KDM6A: variants seen among roughly 807,000 people sequenced by gnomAD.
KDM6A encodes lysine demethylase 6A, also known as lysine-specific demethylase 6A.
Under a neutral mutation model 117.6 loss-of-function variants are expected in KDM6A, and 11 were observed. The observed-to-expected ratio is 0.09, with a 90% CI of 0.06 to 0.15. The LOEUF (loss-of-function observed/expected upper bound fraction) is 0.15. Among genes scored for constraint, KDM6A ranks in the 10% least tolerant of loss-of-function variants. The probability of loss-of-function intolerance (pLI) is 1.00; values close to 1 mark genes in which losing one functional copy is unlikely to be tolerated. For missense variants in KDM6A, 799 were observed against 1,077.3 expected, an observed-to-expected ratio of 0.74 and a Z score of 3.62; for synonymous variants, 384 against 396.1, an observed-to-expected ratio of 0.97 and a Z score of 0.36.
At chrX:44,940,626 G>T (rs928738554) in intron 2 of KDM6A, among the ~76,000 whole-genome samples, 2 of 111,828 alleles carry the variant, frequency 1.8e-5, no homozygotes, top group African/African-American at 3.3e-5. Context: ...GACATATTTT[G>T]TCATTCATTC....
intron 8 of KDM6A, among the ~76,000 whole-genome samples, chrX:45,040,357 C>T (rs868797939): frequency 2.3e-5 from 1 of 42,623 alleles, no homozygotes; most frequent in Non-Finnish European, 4.5e-5. Context: ...GGGCAGAGGC[C>T]CCCCTCACCT....
intron 3 of KDM6A, among the ~76,000 whole-genome samples, chrX:44,966,228 A>G (rs2039003080): frequency 9.1e-6 from 1 of 109,899 alleles, no homozygotes; most frequent in South Asian, 3.9e-4. Flanking sequence ...TGCAGCCCCA[A>G]ACTCCTGGGC....
chrX:45,042,239 G>A (rs1156390344), intron 8 of KDM6A, among the ~76,000 whole-genome samples: 4 of 80,254 alleles, frequency 5.0e-5, no homozygotes, highest in African/African-American at 2.0e-4. Flanking sequence ...GAGGGAGACC[G>A]TGGAAGGAGA....
At chrX:45,002,645 C>T (rs909290808) in intron 4 of KDM6A, among the ~76,000 whole-genome samples, 1 of 112,002 alleles carries the variant, frequency 8.9e-6, no homozygotes, top group East Asian at 2.8e-4. Flanking sequence ...AATAGTTTTA[C>T]ATTCAGGAGG....
intron 4 of KDM6A, among the ~76,000 whole-genome samples, chrX:44,978,935 C>A (rs1412011027): frequency 8.9e-6 from 1 of 112,046 alleles, no homozygotes; most frequent in African/African-American, 3.2e-5. Flanking sequence ...TGTTCTTTTT[C>A]ATTGTTAAGT....
At chrX:44,923,306 T>C (rs1303185311) in intron 2 of KDM6A, among the ~76,000 whole-genome samples, 2 of 110,335 alleles carry the variant, frequency 1.8e-5, no homozygotes, top group Non-Finnish European at 3.8e-5. Flanking sequence ...TTCGGAAAAT[T>C]TTTTGCTCTT....
At chrX:44,978,557 T>A (rs2039731016) in intron 4 of KDM6A, among the ~76,000 whole-genome samples, 2 of 112,562 alleles carry the variant, frequency 1.8e-5, no homozygotes, top group Non-Finnish European at 3.8e-5. Flanking sequence ...AATTAACTTG[T>A]CTAGCTTCAC....
chrX:44,933,897 G>A (rs752116844), intron 2 of KDM6A, among the ~76,000 whole-genome samples: 7 of 112,024 alleles, frequency 6.2e-5, no homozygotes, highest in Admixed American at 4.7e-4. Context: ...TATTATAAAG[G>A]ATAATGTCGA....
intron 4 of KDM6A, among the ~76,000 whole-genome samples, chrX:45,002,332 T>A (rs761433411): frequency 5.4e-5 from 6 of 111,809 alleles, no homozygotes; most frequent in Non-Finnish European, 1.1e-4. Flanking sequence ...AGACTCTGTT[T>A]AACCTTTTAT....
intron 2 of KDM6A, among the ~76,000 whole-genome samples, chrX:44,905,792 C>T (rs775934573): frequency 1.6e-4 from 18 of 112,330 alleles, no homozygotes; most frequent in Non-Finnish European, 1.7e-4. Flanking sequence ...ATTTAAAATA[C>T]ATATATGATT....
intron 8 of KDM6A, among the ~76,000 whole-genome samples, chrX:45,037,917 T>G (rs2042885931): frequency 8.9e-6 from 1 of 111,968 alleles, no homozygotes; most frequent in South Asian, 3.7e-4. Context: ...TTTAATATTT[T>G]CCTTTAAACT....
At position 44,961,396 on chromosome X, in the gene KDM6A, AT is replaced by A. The variant is rs1264770831; in HGVS notation, c.334+11del. On this transcript the variant is annotated splice_donor_5th_base_variant and intron_variant, in intron 3 of 29. Coordinates refer to ENST00000611820, the MANE Select transcript of KDM6A (RefSeq NM_001291415.2). ...TTATTGGAAGATTATCCAAAAGGTAATTTTTTTCTTGTTCATTATTGTTTGA... is the reference window on the plus strand; with the variant it reads ...TTATTGGAAGATTATCCAAAAGGTAATTTTTTCTTGTTCATTATTGTTTGA... 6 of 1,078,644 alleles carry A rather than the reference AT, an allele frequency of 5.6e-6. No homozygotes were observed. Among genetic ancestry groups the A allele is most frequent in the Non-Finnish European group, 6.4e-6 (5 of 777,610 alleles). 88.9% of individuals were successfully genotyped at this position (1,078,644 alleles called of 1,213,427 possible). A position where few individuals can be genotyped will look rare whatever the true frequency, so the allele number is the denominator to read the frequency against.
At chrX:45,015,447 T>C (rs1322101444) in intron 5 of KDM6A, among the ~76,000 whole-genome samples, 2 of 111,564 alleles carry the variant, frequency 1.8e-5, no homozygotes, top group African/African-American at 6.5e-5. Context: ...TTCATAGCAC[T>C]GTACTAGTCA....
intron 28 of KDM6A, among the ~76,000 whole-genome samples, chrX:45,108,449 T>C (rs1336410173): frequency 1.8e-5 from 2 of 111,530 alleles, no homozygotes; most frequent in Non-Finnish European, 3.8e-5. Flanking sequence ...AAGTAAGATA[T>C]GTGTTTCAGG....
chrX:45,111,117 C>T (rs758858786), intron 29 of KDM6A, among the ~76,000 whole-genome samples: 2 of 111,061 alleles, frequency 1.8e-5, no homozygotes, highest in Non-Finnish European at 3.8e-5. Context: ...AAATGGTAAA[C>T]GTAATAACAT....
intron 2 of KDM6A, among the ~76,000 whole-genome samples, chrX:44,874,791 TA>T (rs2031312265): frequency 1.3e-5 from 1 of 74,357 alleles, no homozygotes; most frequent in Admixed American, 1.7e-4. Context: ...AGGGGGGGGT[TA>T]GGGGGAGGGT....
At chrX:44,897,963 A>G (rs761014848) in intron 2 of KDM6A, among the ~76,000 whole-genome samples, 1 of 111,410 alleles carries the variant, frequency 9.0e-6, no homozygotes, top group Admixed American at 9.6e-5. Context: ...GGTCCTGCTG[A>G]TAATTACTGT....
At chrX:44,895,356 G>C (rs2033747642) in intron 2 of KDM6A, among the ~76,000 whole-genome samples, 1 of 107,871 alleles carries the variant, frequency 9.3e-6, no homozygotes, top group Non-Finnish European at 1.9e-5. Context: ...CTGACCTCGT[G>C]ATCTGCCCGC....
At chrX:45,041,557 G>T (rs1444316609) in intron 8 of KDM6A, among the ~76,000 whole-genome samples, 1 of 109,361 alleles carries the variant, frequency 9.1e-6, no homozygotes, top group African/African-American at 3.4e-5. Flanking sequence ...CAGGCAGAGG[G>T]TTTCCTCACT....
Sources: allele counts gnomAD v4.1 joint callset (sites outside exome capture counted in the v4.1 genomes callset), GRCh38; gene constraint gnomAD v4.1.1; transcripts MANE v1.5; gene names NCBI Gene and HGNC (gene_info 2026-07-23, HGNC 2026-07-21).